Variants in SEMA4G observed in about 807,000 individuals in gnomAD.
SEMA4G encodes semaphorin-4G.
In SEMA4G, 59 loss-of-function variants were observed where a neutral mutation model predicts 81.2. That is an observed-to-expected ratio of 0.73 (90% confidence interval 0.59 to 0.90). The LOEUF (loss-of-function observed/expected upper bound fraction) is 0.90. Ranked by LOEUF, SEMA4G falls within the 40% of genes least tolerant of loss-of-function variation. The pLI is 0.00. For missense variants in SEMA4G, 952 were observed against 1,102.3 expected (o/e 0.86, Z 1.93); for synonymous variants, 404 against 433.9 (o/e 0.93, Z 0.86).
chr10:100,980,252 T>G, exon 10 of SEMA4G: 1 of 1,614,252 alleles, frequency 6.2e-7, no homozygotes, highest in Non-Finnish European at 8.5e-7. Flanking sequence ...CGGCCCCTGC[T>G]GCTCAAGCGC....
At chr10:100,970,229 T>A (rs1463894919), upstream of SEMA4G, among the ~76,000 whole-genome samples, 1 of 151,556 alleles carries the variant, frequency 6.6e-6, no homozygotes, top group African/African-American at 2.4e-5. Flanking sequence ...TGGGGTGGAG[T>A]GTGGGGCGTG....
chr10:100,973,719 C>A lies in SEMA4G; in HGVS notation c.336+110C>A. On this transcript the variant is annotated intron_variant, in intron 3 of 13. Transcript: ENST00000370250. The surrounding 1 kb of genome is among the most constrained non-coding windows in gnomAD (Gnocchi z 5.5). Reference sequence around the variant, plus strand: ...TAGGTACAGACCTGCCAGTCAATCTCAGCAACCACAGTAAACATTGTAAGT... The same window carrying A: ...TAGGTACAGACCTGCCAGTCAATCTAAGCAACCACAGTAAACATTGTAAGT... 1.1e-6 allele frequency: 1 copy of A among 907,060 alleles called. No individual in the cohort carries two copies. The highest frequency in any genetic ancestry group is 1.7e-6 in the Non-Finnish European group (1 of 582,472). 56.2% of individuals were successfully genotyped at this position (907,060 alleles called of 1,614,324 possible).
chr10:100,977,598 GGGGGCTCACA>G (rs763249864), intron 3 of SEMA4G, 24 bp from the exon 5 acceptor site: 1 of 1,561,714 alleles, frequency 6.4e-7, no homozygotes, highest in Non-Finnish European at 8.8e-7. Flanking sequence ...TAGTCAGGCA[GGGGGCTCACA>G]GCCCTCTCCA....
At chr10:100,971,187 AAACTAT>A (rs1433057809), upstream of SEMA4G, among the ~76,000 whole-genome samples, 1 of 151,976 alleles carries the variant, frequency 6.6e-6, no homozygotes, top group Admixed American at 6.5e-5. Flanking sequence ...TGTGACTCTT[AAACTAT>A]AAGTGTGACA....
At chr10:100,978,766 T>C in intron 6 of SEMA4G, 83 bp from the exon 8 acceptor site, 1 of 1,572,582 alleles carries the variant, frequency 6.4e-7, no homozygotes, top group Non-Finnish European at 8.7e-7. Flanking sequence ...TCCTGTGTGT[T>C]GTCAAGTGAG....
chr10:100,979,195 C>T lies in SEMA4G; in HGVS notation c.907C>T (p.Arg303Cys), dbSNP rs576159833. The change falls in exon 8 of 14, where the codon CGT (arginine) becomes TGT (cysteine). Residue 303 changes from arginine to cysteine, a missense_variant. By Grantham distance (180) the Arg-to-Cys change is radical. Transcript: ENST00000370250. ...CCACATTCCACTGTATGAGACACTG[C>T]GTGGGGTCTGCAGCCTGGATGCTGA... 80 of 1,614,086 alleles carry T rather than the reference C, an allele frequency of 5.0e-5. No homozygotes were observed. Among genetic ancestry groups the T allele is most frequent in the Middle Eastern group, 3.3e-4 (2 of 6,084 alleles).
chr10:100,979,784 C>T (rs1043605253), intron 8 of SEMA4G, 64 bp from the exon 10 acceptor site: 2 of 1,588,368 alleles, frequency 1.3e-6, no homozygotes, highest in Admixed American at 1.7e-5. Flanking sequence ...TCAGGCTGAG[C>T]ACGAGTTGGG....
intron 13 of SEMA4G, chr10:100,981,442 G>A: frequency 1.9e-6 from 3 of 1,614,114 alleles, no homozygotes; most frequent in South Asian, 1.1e-5. Flanking sequence ...AAGATGTGAA[G>A]TGTCTTGTCA....
In SEMA4G at chr10:100,973,193, G is replaced by A. The variant is rs756103359; in HGVS notation, c.189G>A (p.Glu63=). The change falls in exon 2 of 14, where the codon GAG becomes GAA. Residue 63 remains glutamate (E), a synonymous_variant. Transcript: ENST00000370250. The surrounding 1 kb of genome is among the most constrained non-coding windows in gnomAD (Gnocchi z 5.5). The stretch of plus-strand genomic sequence containing the variant: ...ACTACTCAACACTGCTGCTGGAGGA[G>A]GCCTCAGCAAGGCTGCTGGTGGGAG... 2.5e-6 allele frequency: 4 copies of A among 1,613,822 alleles called. No individual in the cohort carries two copies. The South Asian group carries it at 4.4e-5, about 18-fold the overall frequency.
chr10:100,973,308 G>T lies in SEMA4G; in HGVS notation c.273+31G>T. On this transcript the variant is annotated intron_variant, in intron 2 of 13. Transcript: ENST00000370250. This position sits in a 1 kb window ranked among gnomAD's most constrained non-coding sequence, Gnocchi z 5.5. ...GCCCTGGAACCTGGACCACCCAGAG[G>T]GTCTCTATGCTTATCCAGCTCCCTG... The T allele has an allele frequency of 6.2e-7, 1 of 1,609,910 alleles. No individual in the cohort carries two copies.
At chr10:100,975,189 T>C (rs376864026) in intron 3 of SEMA4G, 2 of 382,474 alleles carry the variant, frequency 5.2e-6, no homozygotes, top group South Asian at 2.1e-5. Flanking sequence ...CAGAATTTGA[T>C]ACTTTAGAGG....
exon 14 of SEMA4G, chr10:100,983,449 T>A: frequency 6.2e-7 from 1 of 1,614,058 alleles, no homozygotes. Context: ...GGCTACCGTG[T>A]GGGCGTGGAC....
upstream of SEMA4G, among the ~76,000 whole-genome samples, chr10:100,971,068 T>G (rs1850616811): frequency 6.6e-6 from 1 of 152,222 alleles, no homozygotes; most frequent in Non-Finnish European, 1.5e-5. Flanking sequence ...TGAGTATATG[T>G]GTGAATGACC....
intron 3 of SEMA4G, among the ~76,000 whole-genome samples, chr10:100,974,524 CT>C (rs1161097444): frequency 6.6e-6 from 1 of 152,186 alleles, no homozygotes; most frequent in African/African-American, 2.4e-5. Context: ...CGATGGGTTA[CT>C]TACCAATAAA....
At chr10:100,971,898 G>T (rs1228846805), upstream of SEMA4G, among the ~76,000 whole-genome samples, 1 of 152,130 alleles carries the variant, frequency 6.6e-6, no homozygotes, top group Non-Finnish European at 1.5e-5. Flanking sequence ...GCAACCAGGG[G>T]GATCCTAGGT....
chr10:100,979,889 C>G, exon 9 of SEMA4G: 1 of 1,614,066 alleles, frequency 6.2e-7, no homozygotes, highest in Non-Finnish European at 8.5e-7. Flanking sequence ...TATGACCTGG[C>G]AGAGATCCAG....
chr10:100,982,275 G>A (rs541697230), intron 13 of SEMA4G, among the ~76,000 whole-genome samples: 2 of 152,126 alleles, frequency 1.3e-5, no homozygotes, highest in Non-Finnish European at 2.9e-5. Flanking sequence ...CTGGACAAGT[G>A]GGCAAAGGCC....
At chr10:100,984,513 G>C (rs1347264509) in exon 14 of SEMA4G, 2 of 1,535,864 alleles carry the variant, frequency 1.3e-6, no homozygotes, top group African/African-American at 2.7e-5. Context: ...GGTCCATATG[G>C]GCTCAATGTC....
chr10:100,979,461 C>A lies in SEMA4G; in HGVS notation c.983+190C>A, dbSNP rs920247052. ...GCAGTGGCGCGATCTCGGCTCACTG[C>A]AATCTCCGCCTCCCGGGTTCAAGTG... On this transcript the variant is annotated intron_variant, in intron 8 of 13. Transcript: ENST00000370250. 4 of 1,417,520 alleles carry A rather than the reference C, an allele frequency of 2.8e-6. No individual in the cohort carries two copies. In the African/African-American group the frequency reaches 5.7e-5, roughly 20 times the overall value. The allele number at this position is 1,417,520 out of a possible 1,614,324, so 87.8% of individuals were successfully genotyped here.
Sources: gnomAD v4.1 joint callset for allele counts (sites outside exome capture counted in the v4.1 genomes callset) on GRCh38, gnomAD v4.1.1 for gene constraint, Gnocchi (gnomAD v3.1) non-coding constraint, MANE v1.5 for transcripts, NCBI Gene and HGNC (gene_info 2026-07-23, HGNC 2026-07-21) for gene names.